Variants in SCML4 observed in about 807,000 individuals in gnomAD.
SCML4 encodes sex comb on midleg-like protein 4.
SCML4 carries 34 observed loss-of-function variants against 41.1 expected under a neutral mutation model. The ratio of observed to expected loss-of-function variants is 0.83; its 90% CI spans 0.63 to 1.10. The LOEUF (loss-of-function observed/expected upper bound fraction) is 1.10, where lower values mean the gene tolerates loss of function less well. Ranked by LOEUF, SCML4 falls within the 50% of genes least tolerant of loss-of-function variation. The pLI, the probability that SCML4 is intolerant of heterozygous loss-of-function variation, is 0.00. For missense variants in SCML4, 522 were observed against 534.1 expected, an observed-to-expected ratio of 0.98 and a Z score of 0.22; for synonymous variants, 214 against 220.9, an observed-to-expected ratio of 0.97 and a Z score of 0.28.
the SCML4 span, among the ~76,000 whole-genome samples, chr6:107,832,039 G>T: frequency 7.6e-4 from 113 of 149,444 alleles, no homozygotes; most frequent in Middle Eastern, 3.4e-3. Flanking sequence ...CTCCAGCCTG[G>T]GCAACAGAGG....
At chr6:107,708,633 A>G (rs1053088694) in intron 6 of SCML4, among the ~76,000 whole-genome samples, 6 of 152,186 alleles carry the variant, frequency 3.9e-5, no homozygotes, top group Non-Finnish European at 8.8e-5. Context: ...TGCCCCAGGT[A>G]CACATTGAGT....
Position 107,803,965 on chromosome 6 carries a change from T to C in SCML4, c.-60+20161A>G, listed in dbSNP as rs1783509889. Among the ~76,000 whole-genome samples, 3 of 151,366 alleles carry C rather than the reference T, an allele frequency of 2.0e-5. No homozygotes were observed. The South Asian group carries it at 6.3e-4, about 32-fold the overall frequency. On this transcript the variant is annotated intron_variant, in intron 1 of 7. Coordinates refer to ENST00000369020, the MANE Select transcript of SCML4 (RefSeq NM_198081.5). ...AAAACCAGAGACCTTTGTTCACTTGTTTATCTGCTGACCCTCCCTCCACTA... is the reference window on the plus strand; with the variant it reads ...AAAACCAGAGACCTTTGTTCACTTGCTTATCTGCTGACCCTCCCTCCACTA...
At chr6:107,731,057 G>T (rs1019397716) in intron 5 of SCML4, among the ~76,000 whole-genome samples, 4 of 152,182 alleles carry the variant, frequency 2.6e-5, no homozygotes, top group Admixed American at 6.5e-5. Context: ...GTCCTGGAGG[G>T]TCAGGTGTGA....
intron 2 of SCML4, among the ~76,000 whole-genome samples, chr6:107,767,825 G>A (rs1004382441): frequency 6.6e-6 from 1 of 152,150 alleles, no homozygotes; most frequent in African/African-American, 2.4e-5. Context: ...TGTAATGGAT[G>A]TGTGACTTCG....
At chr6:107,834,388 A>G in the SCML4 span, among the ~76,000 whole-genome samples, 5 of 152,220 alleles carry the variant, frequency 3.3e-5, no homozygotes, top group African/African-American at 1.2e-4. Flanking sequence ...TCACCTCCTC[A>G]GCAGAGATCC....
chr6:107,838,580 G>A, the SCML4 span, among the ~76,000 whole-genome samples: 3 of 152,142 alleles, frequency 2.0e-5, no homozygotes, highest in Non-Finnish European at 2.9e-5. Flanking sequence ...CTAGAGTAAC[G>A]GTGAGAGGAA....
Position 107,704,864 on chromosome 6 carries a change from C to T in SCML4, c.*336G>A, listed in dbSNP as rs962185644. 8.8e-6 allele frequency: 3 copies of T among 339,234 alleles called. No homozygotes were observed. The highest frequency in any genetic ancestry group is 4.4e-5 in the African/African-American group (2 of 45,542). The allele number at this position is 339,234 out of a possible 1,614,324, so 21.0% of individuals were successfully genotyped here. The stretch of plus-strand genomic sequence containing the variant: ...AAGGTCCTTCTTTCATCCTTTGAAC[C>T]CTCCAGAACTCTCCTTGGGCATAAG... On this transcript the variant is annotated 3_prime_UTR_variant, in exon 8 of 8. Transcript: ENST00000369020.
At chr6:107,721,480 G>A (rs569371860) in intron 5 of SCML4, among the ~76,000 whole-genome samples, 10 of 151,828 alleles carry the variant, frequency 6.6e-5, no homozygotes, top group African/African-American at 1.7e-4. Context: ...CAGGAGAATC[G>A]CTTGAACCCG....
the SCML4 span, among the ~76,000 whole-genome samples, chr6:107,843,626 G>A: frequency 6.6e-6 from 1 of 152,204 alleles, no homozygotes; most frequent in Non-Finnish European, 1.5e-5. Flanking sequence ...CACTGGCCCT[G>A]CCGGTAACAT....
At chr6:107,749,888 G>T in intron 2 of SCML4, 75 bp from the exon 3 acceptor site, 1 of 1,503,752 alleles carries the variant, frequency 6.7e-7, no homozygotes, top group South Asian at 1.1e-5. Context: ...TGTCCTAGAC[G>T]GCAGTTAACC....
chr6:107,723,910 A>G (rs1296966615), intron 5 of SCML4, among the ~76,000 whole-genome samples: 1 of 152,174 alleles, frequency 6.6e-6, no homozygotes, highest in Non-Finnish European at 1.5e-5. Context: ...AATCCTCAAC[A>G]AAAAACCTGG....
At chr6:107,789,072 C>T (rs1346794234) in intron 1 of SCML4, among the ~76,000 whole-genome samples, 2 of 152,188 alleles carry the variant, frequency 1.3e-5, no homozygotes, top group African/African-American at 4.8e-5. Context: ...CACTACTTCT[C>T]TGGCCCATGT....
At chr6:107,731,513 C>T (rs1306068396) in intron 5 of SCML4, among the ~76,000 whole-genome samples, 1 of 152,222 alleles carries the variant, frequency 6.6e-6, no homozygotes, top group African/African-American at 2.4e-5. Context: ...CATCAGTCTT[C>T]CCAGTTGAGG....
chr6:107,832,062 C>CAAA, the SCML4 span, among the ~76,000 whole-genome samples: 5,976 of 133,718 alleles, frequency 0.045, 410 homozygotes, highest in East Asian at 0.16. Flanking sequence ...GACTCTGTCT[C>CAAA]AAAAAAAAAA....
At chr6:107,765,577 C>G (rs544090792) in intron 2 of SCML4, among the ~76,000 whole-genome samples, 87 of 152,278 alleles carry the variant, frequency 5.7e-4, no homozygotes, top group African/African-American at 2.1e-3. Context: ...AGTCTCTGAA[C>G]CTACTCTGGC....
rs1050824155 is a variant in SCML4 at position 107,808,521 on chromosome 6, C to T, written c.-60+15605G>A. On this transcript the variant is annotated intron_variant, in intron 1 of 7. Transcript: ENST00000369020. The stretch of plus-strand genomic sequence containing the variant: ...TCCTGGCCTCAAGTGATCCTCCCAC[C>T]GCGGCCTCCCAGAGTGCTGGGATTA... Among the ~76,000 whole-genome samples the T allele has an allele frequency of 3.3e-5, 5 of 152,070 alleles. No individual in the cohort carries two copies. The East Asian group carries it at 7.7e-4, about 23-fold the overall frequency.
At chr6:107,751,646 CTTT>C in intron 2 of SCML4, among the ~76,000 whole-genome samples, 1 of 103,648 alleles carries the variant, frequency 9.6e-6, no homozygotes, top group Non-Finnish European at 2.0e-5. Context: ...TTCTTTCTTT[CTTT>C]TTTGAGAGGG....
intron 1 of SCML4, among the ~76,000 whole-genome samples, chr6:107,780,376 C>T (rs1039981841): frequency 3.3e-5 from 5 of 152,102 alleles, no homozygotes; most frequent in African/African-American, 7.2e-5. Flanking sequence ...TCATTCTTAG[C>T]GTCAAATTTT....
intron 6 of SCML4, chr6:107,720,448 G>A: frequency 1.7e-6 from 2 of 1,175,274 alleles, no homozygotes; most frequent in Non-Finnish European, 2.1e-6. Flanking sequence ...TATGGTATTT[G>A]AGCCTGTGTA....
Sources: allele counts gnomAD v4.1 joint callset (sites outside exome capture counted in the v4.1 genomes callset), GRCh38; gene constraint gnomAD v4.1.1; transcripts MANE v1.5; gene names NCBI Gene and HGNC (gene_info 2026-07-23, HGNC 2026-07-21).